Variants in SPIDR observed in about 807,000 individuals in gnomAD.
SPIDR encodes scaffold protein involved in DNA repair, also known as DNA repair-scaffolding protein.
In SPIDR, 93 loss-of-function variants were observed where a neutral mutation model predicts 104.6. That is an observed-to-expected ratio of 0.89 (90% confidence interval 0.75 to 1.06). The LOEUF is 1.06. SPIDR is among the 50% of genes least tolerant of loss of function. The probability of loss-of-function intolerance (pLI) is 0.00; values close to 1 mark genes in which losing one functional copy is unlikely to be tolerated. For missense variants in SPIDR, 1,154 were observed against 1,111.2 expected (o/e 1.04, Z -0.55); for synonymous variants, 431 against 416.9 (o/e 1.03, Z -0.41).
chr8:47,294,137 C>A, intron 5 of SPIDR, 107 bp downstream of exon 5: 1 of 1,392,196 alleles, frequency 7.2e-7, no homozygotes, highest in Non-Finnish European at 9.7e-7. Context: ...CGAGAACAAC[C>A]ACTTTTGACT....
intron 8 of SPIDR, among the ~76,000 whole-genome samples, chr8:47,587,753 C>A (rs1157482755): frequency 6.6e-6 from 1 of 151,130 alleles, no homozygotes; most frequent in South Asian, 2.1e-4. Flanking sequence ...CATAGTGAGA[C>A]CCTATCTCTA....
intron 8 of SPIDR, among the ~76,000 whole-genome samples, chr8:47,492,907 G>T (rs2078936423): frequency 6.6e-6 from 1 of 152,042 alleles, no homozygotes. Flanking sequence ...CCCTCATTGT[G>T]CCTGGAGTAT....
intron 10 of SPIDR, among the ~76,000 whole-genome samples, chr8:47,643,112 T>A (rs2069480541): frequency 1.3e-5 from 2 of 152,316 alleles, no homozygotes; most frequent in Admixed American, 1.3e-4. Flanking sequence ...TCAGCTAACA[T>A]CTTATACCTA....
At chr8:47,650,018 A>C (rs776211417) in intron 10 of SPIDR, among the ~76,000 whole-genome samples, 2 of 152,178 alleles carry the variant, frequency 1.3e-5, no homozygotes, top group Non-Finnish European at 2.9e-5. Context: ...AATGGGGAAA[A>C]GCTGAAAGCA....
intron 7 of SPIDR, among the ~76,000 whole-genome samples, chr8:47,432,952 G>A (rs2067617192): frequency 6.6e-6 from 1 of 152,114 alleles, no homozygotes; most frequent in African/African-American, 2.4e-5. Context: ...CCAGACTATT[G>A]TAGTAACTAA....
chr8:47,417,037 T>G (rs2064460079), intron 7 of SPIDR, among the ~76,000 whole-genome samples: 1 of 152,188 alleles, frequency 6.6e-6, no homozygotes, highest in Admixed American at 6.5e-5. Flanking sequence ...TTTTGGACAT[T>G]TGGGTTGGTT....
intron 19 of SPIDR, chr8:47,732,225 A>G (rs767778909): frequency 1.4e-6 from 1 of 702,426 alleles, no homozygotes; most frequent in African/African-American, 1.7e-5. Flanking sequence ...TTAACTTGTC[A>G]ACTAGAATAT....
At chr8:47,507,265 A>G (rs928183353) in intron 8 of SPIDR, among the ~76,000 whole-genome samples, 3 of 152,216 alleles carry the variant, frequency 2.0e-5, no homozygotes, top group Non-Finnish European at 2.9e-5. Context: ...TGGGTCAGAT[A>G]GTCCATGATA....
intron 8 of SPIDR, among the ~76,000 whole-genome samples, chr8:47,502,333 A>G (rs928408796): frequency 1.3e-5 from 2 of 152,210 alleles, no homozygotes; most frequent in East Asian, 3.8e-4. Flanking sequence ...TTATTGGTCT[A>G]TTCAGAGATT....
At chr8:47,298,807 G>T (rs1233971367) in intron 5 of SPIDR, among the ~76,000 whole-genome samples, 3 of 152,178 alleles carry the variant, frequency 2.0e-5, no homozygotes, top group East Asian at 1.9e-4. Context: ...TGTTCCATTG[G>T]TCTATATCTC....
chr8:47,596,660 A>T (rs1433430133), intron 9 of SPIDR, among the ~76,000 whole-genome samples: 5 of 152,026 alleles, frequency 3.3e-5, no homozygotes, highest in East Asian at 1.9e-4. Context: ...ACTAAATTAA[A>T]TTTTTTTCTT....
chr8:47,326,475 A>G (rs1554600398), intron 5 of SPIDR, among the ~76,000 whole-genome samples: 1 of 152,240 alleles, frequency 6.6e-6, no homozygotes, highest in East Asian at 1.9e-4. Flanking sequence ...TTCACATAGC[A>G]TCAAATTAAC....
chr8:47,383,334 T>A (rs1554646533), intron 5 of SPIDR, among the ~76,000 whole-genome samples: 1 of 152,248 alleles, frequency 6.6e-6, no homozygotes, highest in Non-Finnish European at 1.5e-5. Flanking sequence ...TTCTAGTATA[T>A]CACTTGAACC....
Position 47,565,144 on chromosome 8 carries a change from G to A in SPIDR, c.1098-30667G>A, listed in dbSNP as rs148301532. The stretch of plus-strand genomic sequence containing the variant: ...GCCTGTAATCCCAGCTGCTTGGGAG[G>A]CCGAGGCAGAAGAATAGCTTGAACC... On this transcript the variant is annotated intron_variant, in intron 8 of 19. Transcript: ENST00000297423. Among the ~76,000 whole-genome samples the A allele has an allele frequency of 2.8e-3, 424 of 152,320 alleles. 1 individual carries two copies. The highest frequency in any genetic ancestry group is 4.8e-3 in the Non-Finnish European group (326 of 68,022).
At chr8:47,550,557 G>T (rs2090282058) in intron 8 of SPIDR, among the ~76,000 whole-genome samples, 1 of 152,036 alleles carries the variant, frequency 6.6e-6, no homozygotes, top group African/African-American at 2.4e-5. Flanking sequence ...TCATGATTTG[G>T]CTCTCCCTTT....
chr8:47,523,397 T>C (rs1231167948), intron 8 of SPIDR, among the ~76,000 whole-genome samples: 1 of 152,182 alleles, frequency 6.6e-6, no homozygotes, highest in East Asian at 1.9e-4. Flanking sequence ...GACTGAGAAC[T>C]TGGCTTAGAG....
chr8:47,447,056 C>T (rs982706784), intron 8 of SPIDR, among the ~76,000 whole-genome samples: 5 of 152,152 alleles, frequency 3.3e-5, no homozygotes, highest in African/African-American at 1.2e-4. Context: ...GGGTTTAAAA[C>T]TTCAGTGGAG....
chr8:47,489,941 G>C (rs556909515), intron 8 of SPIDR, among the ~76,000 whole-genome samples: 2 of 152,046 alleles, frequency 1.3e-5, no homozygotes, highest in Non-Finnish European at 2.9e-5. Context: ...CATAGGCATG[G>C]GCAAGGACTC....
chr8:47,634,178 G>A (rs2067519863), intron 10 of SPIDR, among the ~76,000 whole-genome samples: 1 of 151,654 alleles, frequency 6.6e-6, no homozygotes, highest in Non-Finnish European at 1.5e-5. Flanking sequence ...AAAAGGGCCG[G>A]GCATGGTGGC....
Sources: gnomAD v4.1 joint callset for allele counts (sites outside exome capture counted in the v4.1 genomes callset) on GRCh38, gnomAD v4.1.1 for gene constraint, MANE v1.5 for transcripts, NCBI Gene and HGNC (gene_info 2026-07-23, HGNC 2026-07-21) for gene names.